NUP210L: variants seen among roughly 807,000 people sequenced by gnomAD.
NUP210L encodes nuclear pore membrane glycoprotein 210-like.
A neutral mutation model predicts 208.5 loss-of-function variants in NUP210L; 74 were observed. The observed-to-expected ratio is 0.35, with a 90% CI of 0.29 to 0.43. NUP210L has a LOEUF of 0.43. NUP210L is among the 20% of genes least tolerant of loss of function. NUP210L has a pLI of 1.00. For missense variants in NUP210L, 1,843 were observed against 2,289.4 expected (o/e 0.81, Z 3.98); for synonymous variants, 780 against 816.9 (o/e 0.95, Z 0.77).
chr1:154,063,872 A>C (rs145240145), intron 17 of NUP210L, among the ~76,000 whole-genome samples: 12 of 151,830 alleles, frequency 7.9e-5, no homozygotes, highest in Admixed American at 2.0e-4. Flanking sequence ...GTGGTACAAA[A>C]GCTAACTTTT....
At chr1:154,055,122 C>CT (rs770564459) in intron 23 of NUP210L, among the ~76,000 whole-genome samples, 2 of 118,524 alleles carry the variant, frequency 1.7e-5, no homozygotes, top group Non-Finnish European at 1.7e-5. Context: ...CTCTTTCTTT[C>CT]TTTTCTTTCT....
chr1:154,049,435 A>G (rs927793354), intron 25 of NUP210L, among the ~76,000 whole-genome samples: 1 of 152,182 alleles, frequency 6.6e-6, no homozygotes, highest in South Asian at 2.1e-4. Flanking sequence ...ACAGAAAGAA[A>G]AGTTCCTGCC....
At chr1:154,154,707 A>T in intron 1 of NUP210L, 135 bp downstream of exon 1, 2 of 690,156 alleles carry the variant, frequency 2.9e-6, no homozygotes, top group Non-Finnish European at 5.0e-6. Context: ...CTGACACCAC[A>T]CTCTCCTCCC....
rs541455093 is a variant in NUP210L at position 154,015,802 on chromosome 1, A to T, written c.4653+3131T>A. On this transcript the variant is annotated intron_variant, in intron 33 of 39. Coordinates refer to ENST00000368559, the Ensembl canonical transcript of NUP210L. ...TGTGCACCTGTGGTCCCAGCTACTCAGGAGACTGAGGTGGGAGGATCACTT... is the reference window on the plus strand; with the variant it reads ...TGTGCACCTGTGGTCCCAGCTACTCTGGAGACTGAGGTGGGAGGATCACTT... Among the ~76,000 whole-genome samples, 262 of 151,470 alleles carry T rather than the reference A, an allele frequency of 1.7e-3. 1 individual carries two copies. The highest frequency in any genetic ancestry group is 6.1e-3 in the African/African-American group (252 of 41,278).
At chr1:154,117,948 T>C (rs1657418160) in intron 11 of NUP210L, 68 bp from the exon 12 acceptor site, 1 of 1,126,026 alleles carries the variant, frequency 8.9e-7, no homozygotes. Flanking sequence ...AATGTAAAAC[T>C]TGACTGGTGA....
At chr1:153,996,076 A>C (rs1649841175) in intron 37 of NUP210L, 3 of 328,968 alleles carry the variant, frequency 9.1e-6, no homozygotes, top group South Asian at 7.8e-5. Context: ...GTGGATCACA[A>C]GGTCAGGAGA....
chr1:153,996,178 G>A (rs1237406319), intron 37 of NUP210L, among the ~76,000 whole-genome samples: 1 of 152,044 alleles, frequency 6.6e-6, no homozygotes, highest in Non-Finnish European at 1.5e-5. Flanking sequence ...TGTAGTCCCA[G>A]CTACTTGGGA....
chr1:154,059,658 A>G (rs1472184952), intron 20 of NUP210L, among the ~76,000 whole-genome samples: 1 of 152,172 alleles, frequency 6.6e-6, no homozygotes, highest in East Asian at 1.9e-4. Context: ...GTAGGGGGAG[A>G]AAGCATTAGG....
intron 24 of NUP210L, 25 bp downstream of exon 24, chr1:154,054,738 GTAAATCT>G: frequency 1.4e-6 from 2 of 1,478,500 alleles, no homozygotes; most frequent in Non-Finnish European, 9.5e-7. Flanking sequence ...AGGAGAAAAG[GTAAATCT>G]TATTTTTTCT....
chr1:154,061,106 G>C (rs1254181578), intron 18 of NUP210L, 60 bp from the exon 19 acceptor site: 2 of 1,218,510 alleles, frequency 1.6e-6, no homozygotes, highest in East Asian at 4.7e-5. Flanking sequence ...GGCCGCCCAC[G>C]GTGGCTTACG....
chr1:154,049,729 G>T (rs1205401573), intron 25 of NUP210L, among the ~76,000 whole-genome samples: 2 of 152,106 alleles, frequency 1.3e-5, no homozygotes, highest in East Asian at 3.8e-4. Context: ...AACCTATGGG[G>T]GCATTACAGC....
At chr1:154,027,080 C>CAAAAAAAAAAAAAAAAAAAAAAAAAAAA (rs59626984) in intron 29 of NUP210L, among the ~76,000 whole-genome samples, 1 of 101,754 alleles carries the variant, frequency 9.8e-6, no homozygotes, top group African/African-American at 4.3e-5. Flanking sequence ...GAGACTGTCT[C>CAAAAAAAAAAAAAAAAAAAAAAAAAAAA]AAAAAAAAAA....
chr1:154,080,590 G>A (rs1655268913), intron 16 of NUP210L, among the ~76,000 whole-genome samples: 4 of 151,342 alleles, frequency 2.6e-5, no homozygotes, highest in Admixed American at 2.6e-4. Context: ...AGGAGATTCT[G>A]AGGAGAATCA....
chr1:154,122,049 CAGAA>C (rs1657640277), intron 10 of NUP210L, among the ~76,000 whole-genome samples: 1 of 152,024 alleles, frequency 6.6e-6, no homozygotes, highest in Non-Finnish European at 1.5e-5. Flanking sequence ...TAGCCAGACT[CAGAA>C]AGAAAACAAG....
At chr1:154,134,162 A>T (rs1296290256) in intron 7 of NUP210L, among the ~76,000 whole-genome samples, 3 of 142,228 alleles carry the variant, frequency 2.1e-5, no homozygotes, top group African/African-American at 7.9e-5. Context: ...AAAAAAAAAT[A>T]ATAATAATAA....
chr1:154,036,914 C>T (rs1292726349), intron 27 of NUP210L, among the ~76,000 whole-genome samples: 1 of 152,004 alleles, frequency 6.6e-6, no homozygotes, highest in Non-Finnish European at 1.5e-5. Flanking sequence ...AGGTGCATGC[C>T]ACCACACCCA....
At position 153,993,010 on chromosome 1, in the gene NUP210L, T is replaced by A. The variant is rs772348455; in HGVS notation, c.5566+5A>T. On this transcript the variant is annotated splice_donor_5th_base_variant and intron_variant, in intron 39 of 39. Transcript: ENST00000368559. ...TTTCAAAGATGAGGACAGAGGCTTT[T>A]TTACCTGGCTGTGGTGTTCCTAGAG... is the stretch of plus-strand genomic sequence containing the variant. 8 of 1,613,086 alleles carry A rather than the reference T, an allele frequency of 5.0e-6. No individual in the cohort carries two copies. In the Admixed American group the frequency reaches 1.3e-4, roughly 27 times the overall value.
intron 30 of NUP210L, among the ~76,000 whole-genome samples, chr1:154,024,827 C>T (rs1204128070): frequency 6.6e-6 from 1 of 151,552 alleles, no homozygotes; most frequent in African/African-American, 2.4e-5. Context: ...TCACCCAGCC[C>T]AGCCAATTTT....
exon 14 of NUP210L, chr1:154,100,141 T>A (rs1366631535): frequency 1.2e-6 from 2 of 1,613,958 alleles, no homozygotes; most frequent in Admixed American, 3.3e-5. Flanking sequence ...GGTCTTTGAA[T>A]ACCTGTGAAT....
Sources: allele counts gnomAD v4.1 joint callset (sites outside exome capture counted in the v4.1 genomes callset), GRCh38; gene constraint gnomAD v4.1.1; transcripts MANE v1.5; gene names NCBI Gene and HGNC (gene_info 2026-07-23, HGNC 2026-07-21).